CCSER1: variants seen among roughly 807,000 people sequenced by gnomAD.
The protein encoded by CCSER1 is coiled-coil serine rich protein 1.
In CCSER1, 41 loss-of-function variants were observed where a neutral mutation model predicts 82.0. The observed-to-expected ratio is 0.50, with a 90% confidence interval of 0.39 to 0.65. The LOEUF (loss-of-function observed/expected upper bound fraction) is 0.65, where lower values mean the gene tolerates loss of function less well. Among genes scored for constraint, CCSER1 ranks in the 30% least tolerant of loss-of-function variants. The probability of loss-of-function intolerance (pLI) is 0.00; values close to 1 mark genes in which losing one functional copy is unlikely to be tolerated. For missense variants in CCSER1, 1,119 were observed against 1,064.2 expected (o/e 1.05, Z -0.72); for synonymous variants, 414 against 383.9 (o/e 1.08, Z -0.92).
At chr4:91,230,269 A>G (rs1398831598) in intron 10 of CCSER1, among the ~76,000 whole-genome samples, 1 of 152,132 alleles carries the variant, frequency 6.6e-6, no homozygotes, top group East Asian at 1.9e-4. Flanking sequence ...AAATACTCAT[A>G]AATACACAGA....
intron 10 of CCSER1, among the ~76,000 whole-genome samples, chr4:91,171,669 A>G (rs1432574023): frequency 2.0e-5 from 3 of 152,158 alleles, no homozygotes; most frequent in Non-Finnish European, 4.4e-5. Flanking sequence ...TAGGAATATG[A>G]CACTTCTCTA....
intron 1 of CCSER1, among the ~76,000 whole-genome samples, chr4:90,263,254 TAC>T (rs1406318987): frequency 6.6e-6 from 1 of 152,140 alleles, no homozygotes; most frequent in Non-Finnish European, 1.5e-5. Context: ...AGAGCCAGAC[TAC>T]AGTGATTGGT....
At chr4:90,268,168 G>T (rs1725575261) in intron 1 of CCSER1, among the ~76,000 whole-genome samples, 1 of 152,142 alleles carries the variant, frequency 6.6e-6, no homozygotes, top group Non-Finnish European at 1.5e-5. Flanking sequence ...TCTTCAGTCT[G>T]AAAGAAAATA....
intron 10 of CCSER1, among the ~76,000 whole-genome samples, chr4:91,501,006 T>C (rs1759179463): frequency 6.6e-6 from 1 of 151,904 alleles, no homozygotes. Flanking sequence ...ACTATCAGTT[T>C]CTGATAATGA....
intron 5 of CCSER1, among the ~76,000 whole-genome samples, chr4:90,566,945 C>G (rs60711089): frequency 0.027 from 4,078 of 151,664 alleles, 137 homozygotes; most frequent in South Asian, 0.087. Context: ...TGTAACGTCT[C>G]CTTTCATTTA....
At chr4:90,987,841 A>G (rs925818372) in intron 9 of CCSER1, among the ~76,000 whole-genome samples, 1 of 151,798 alleles carries the variant, frequency 6.6e-6, no homozygotes, top group Non-Finnish European at 1.5e-5. Flanking sequence ...ACAAAATCAT[A>G]TTATTAAATA....
At chr4:90,766,104 G>C (rs761842324) in intron 7 of CCSER1, among the ~76,000 whole-genome samples, 4 of 152,112 alleles carry the variant, frequency 2.6e-5, no homozygotes, top group Non-Finnish European at 4.4e-5. Flanking sequence ...GTAACCTAGA[G>C]AGGAAATTTT....
intron 5 of CCSER1, among the ~76,000 whole-genome samples, chr4:90,626,662 C>T (rs968435713): frequency 6.6e-6 from 1 of 152,118 alleles, no homozygotes; most frequent in African/African-American, 2.4e-5. Flanking sequence ...AGCATTCAAA[C>T]CTCAGCAATG....
chr4:91,478,389 T>A (rs931994276), intron 10 of CCSER1, among the ~76,000 whole-genome samples: 2 of 151,908 alleles, frequency 1.3e-5, no homozygotes, highest in African/African-American at 4.8e-5. Flanking sequence ...AAACAATATG[T>A]CATTTAGTTA....
chr4:90,227,677 A>G (rs1743455066), intron 1 of CCSER1, among the ~76,000 whole-genome samples: 1 of 152,228 alleles, frequency 6.6e-6, no homozygotes. Flanking sequence ...GCGACGCAGA[A>G]GATGGGTGAT....
intron 10 of CCSER1, among the ~76,000 whole-genome samples, chr4:91,333,198 GA>G (rs201935885): frequency 6.6e-6 from 1 of 151,544 alleles, no homozygotes; most frequent in East Asian, 1.9e-4. Flanking sequence ...TGATAGTCCT[GA>G]AAAAAAAGAA....
At chr4:91,276,144 C>A (rs1398791569) in intron 10 of CCSER1, among the ~76,000 whole-genome samples, 2 of 151,452 alleles carry the variant, frequency 1.3e-5, no homozygotes, top group African/African-American at 4.8e-5. Context: ...TATTCCAGCT[C>A]TTTTTTGGTT....
At chr4:90,750,106 G>T (rs538395761) in intron 7 of CCSER1, among the ~76,000 whole-genome samples, 2 of 151,854 alleles carry the variant, frequency 1.3e-5, no homozygotes, top group South Asian at 4.1e-4. Context: ...AGAAGTGTCT[G>T]TTCATGTCCT....
chr4:91,018,192 C>T (rs1739609015), intron 9 of CCSER1, among the ~76,000 whole-genome samples: 1 of 152,040 alleles, frequency 6.6e-6, no homozygotes, highest in Non-Finnish European at 1.5e-5. Context: ...CAGTACTCTA[C>T]CACAAGCTTC....
chr4:90,780,768 C>G, intron 7 of CCSER1: 2 of 1,181,030 alleles, frequency 1.7e-6, no homozygotes, highest in Non-Finnish European at 2.1e-6. Flanking sequence ...TAAAGGTAAA[C>G]TAAATTGACT....
intron 10 of CCSER1, among the ~76,000 whole-genome samples, chr4:91,571,832 G>T (rs915278491): frequency 4.6e-5 from 7 of 152,186 alleles, no homozygotes; most frequent in African/African-American, 1.2e-4. Context: ...GAGGTTCCTT[G>T]TCTGGTGATG....
At chr4:90,862,162 G>C (rs1220649708) in intron 8 of CCSER1, among the ~76,000 whole-genome samples, 1 of 151,694 alleles carries the variant, frequency 6.6e-6, no homozygotes, top group African/African-American at 2.4e-5. Flanking sequence ...TTTATTATAA[G>C]ATTATTGTGA....
chr4:91,563,100 C>G (rs1270338271), intron 10 of CCSER1, among the ~76,000 whole-genome samples: 1 of 151,434 alleles, frequency 6.6e-6, no homozygotes, highest in Non-Finnish European at 1.5e-5. Context: ...TAAGTTCTAC[C>G]AAACATTTAT....
chr4:90,911,336 G>A (rs1726321040), intron 8 of CCSER1: 5 of 456,086 alleles, frequency 1.1e-5, no homozygotes, highest in Non-Finnish European at 2.2e-5. Context: ...TGTCTTCAGT[G>A]ATATGCATGC....
Sources: allele counts gnomAD v4.1 joint callset (sites outside exome capture counted in the v4.1 genomes callset), GRCh38; gene constraint gnomAD v4.1.1; transcripts MANE v1.5; gene names NCBI Gene and HGNC (gene_info 2026-07-23, HGNC 2026-07-21).